The following XIRP2 variants were observed in gnomAD, a reference collection of about 807,000 sequenced individuals.
XIRP2 encodes xin actin binding repeat containing 2, also known as xin actin-binding repeat-containing protein 2.
In XIRP2, 236 loss-of-function variants were observed where a neutral mutation model predicts 277.0. That is an observed-to-expected ratio of 0.85 (90% confidence interval 0.77 to 0.95). The LOEUF (loss-of-function observed/expected upper bound fraction) is 0.95. Ranked by LOEUF, XIRP2 falls within the 40% of genes least tolerant of loss-of-function variation. The probability of loss-of-function intolerance (pLI) is 0.00; values close to 1 mark genes in which losing one functional copy is unlikely to be tolerated. For synonymous variants in XIRP2, 1,490 were observed against 1,416.5 expected, an observed-to-expected ratio of 1.05 and a Z score of -1.17; for missense variants, 4,640 against 4,157.5, an observed-to-expected ratio of 1.12 and a Z score of -3.19.
At chr2:167,169,469 A>G (rs73021988) in intron 3 of XIRP2, among the ~76,000 whole-genome samples, 15,032 of 152,210 alleles carry the variant, frequency 0.099, 799 homozygotes, top group South Asian at 0.15. Flanking sequence ...GAGTTTCTGC[A>G]CTGGTAAGTT....
At chr2:167,104,134 A>G (rs1316890989) in intron 2 of XIRP2, among the ~76,000 whole-genome samples, 1 of 152,144 alleles carries the variant, frequency 6.6e-6, no homozygotes, top group Non-Finnish European at 1.5e-5. Context: ...CTCCTTAAGA[A>G]GAAATTATTG....
intron 1 of XIRP2, among the ~76,000 whole-genome samples, chr2:166,902,895 A>C (rs1684417984): frequency 6.6e-6 from 1 of 152,120 alleles, no homozygotes; most frequent in Non-Finnish European, 1.5e-5. Context: ...CTTTGTGATA[A>C]TGTTAAGATT....
intron 2 of XIRP2, among the ~76,000 whole-genome samples, chr2:167,029,535 C>A (rs1178916848): frequency 6.6e-6 from 1 of 152,078 alleles, no homozygotes; most frequent in Admixed American, 6.6e-5. Flanking sequence ...TTGAACCAGC[C>A]TTGCATCCCA....
At chr2:167,006,546 C>T (rs1687508967) in intron 2 of XIRP2, among the ~76,000 whole-genome samples, 1 of 151,780 alleles carries the variant, frequency 6.6e-6, no homozygotes, top group Non-Finnish European at 1.5e-5. Flanking sequence ...AGCTGCACTG[C>T]ATGATATTAC....
chr2:166,976,547 A>C (rs999315022), intron 2 of XIRP2, among the ~76,000 whole-genome samples: 1 of 152,174 alleles, frequency 6.6e-6, no homozygotes, highest in African/African-American at 2.4e-5. Flanking sequence ...ACTTGGAATT[A>C]ATATTATATC....
chr2:167,169,492 A>G (rs1692622786), intron 3 of XIRP2, among the ~76,000 whole-genome samples: 1 of 152,146 alleles, frequency 6.6e-6, no homozygotes, highest in South Asian at 2.1e-4. Context: ...GGTTCTGTGT[A>G]TTTATCTATT....
chr2:167,249,991 C>T lies in XIRP2; in HGVS notation c.8599C>T (p.Gln2867Ter). 1 of 1,613,564 alleles carries T rather than the reference C, an allele frequency of 6.2e-7. No individual in the cohort carries two copies. The highest frequency in any genetic ancestry group is 8.5e-7 in the Non-Finnish European group (1 of 1,179,672). Reference protein sequence around the residue: ...VIDAHLDSQTQNFQQTQIQTA... With the variant: ...VIDAHLDSQT ...CGATGCACATCTTGATTCACAGACT[C>T]AGAATTTTCAGCAAACACAAATACA... is the stretch of plus-strand genomic sequence containing the variant. Residue 2867 changes from glutamine to a stop codon, truncating the protein, a stop_gained, in exon 9 of 11, where the codon CAG (glutamine) becomes TAG (stop). Transcript: ENST00000409195. LOFTEE classifies it high-confidence loss of function.
At position 167,250,055 on chromosome 2, in the gene XIRP2, A is replaced by G; in HGVS notation, c.8663A>G (p.Gln2888Arg). The G allele has an allele frequency of 6.2e-7, 1 of 1,613,658 alleles. No homozygotes were observed. Among genetic ancestry groups the G allele is most frequent in the Non-Finnish European group, 8.5e-7 (1 of 1,179,700 alleles). Residue 2888 changes from glutamine (Q) to arginine (R), a missense_variant, in exon 9 of 11, where the codon CAG becomes CGG. By Grantham distance (43) the Gln-to-Arg change is conservative (BLOSUM62 1). Coordinates refer to ENST00000409195, the MANE Select transcript of XIRP2 (RefSeq NM_152381.6). The stretch of plus-strand genomic sequence containing the variant: ...AAAGCTGAACATAAAAAATTGCCCC[A>G]GCCATATAATAGTCTGCAGGAAGAA... ...ESKAEHKKLP[Q>R]PYNSLQEEKC...
chr2:166,932,216 CT>C (rs373806059), intron 2 of XIRP2, among the ~76,000 whole-genome samples: 2,233 of 141,112 alleles, frequency 0.016, 33 homozygotes, highest in African/African-American at 0.039. Context: ...CTCTCTCTCT[CT>C]TTTTTTTTTT....
At chr2:167,016,361 G>C (rs1183065046) in intron 2 of XIRP2, among the ~76,000 whole-genome samples, 2 of 151,942 alleles carry the variant, frequency 1.3e-5, no homozygotes, top group African/African-American at 4.8e-5. Context: ...AAAGTGGAAA[G>C]AGTGGTCCTT....
At chr2:167,053,487 G>A (rs117574295) in intron 2 of XIRP2, among the ~76,000 whole-genome samples, 1 of 152,080 alleles carries the variant, frequency 6.6e-6, no homozygotes, top group East Asian at 1.9e-4. Context: ...ATTAATCTCT[G>A]TATGTCAGCA....
intron 1 of XIRP2, among the ~76,000 whole-genome samples, chr2:166,900,396 G>A (rs940787831): frequency 1.3e-5 from 2 of 151,676 alleles, no homozygotes; most frequent in African/African-American, 4.8e-5. Context: ...AAGCATGTTT[G>A]TGATTCTTCA....
Position 167,243,520 on chromosome 2 carries a change from G to A in XIRP2, c.2128G>A (p.Val710Met), listed in dbSNP as rs767301842. 1 of 1,614,032 alleles carries A rather than the reference G, an allele frequency of 6.2e-7. No homozygotes were observed. Among genetic ancestry groups the A allele is most frequent in the Non-Finnish European group, 8.5e-7 (1 of 1,179,962 alleles). ...HLDQLGQLHSVDEVHLLQLRS... is the reference protein window; with the variant it reads ...HLDQLGQLHSMDEVHLLQLRS... ...AGATCAACTTGGACAGCTTCATTCA[G>A]TGGATGAGGTTCATTTACTGCAGCT... Residue 710 changes from valine to methionine, a missense_variant, in exon 9 of 11, where the codon GTG becomes ATG. By Grantham distance (21) the Val-to-Met change is conservative (BLOSUM62 1). Transcript: ENST00000409195.
At chr2:167,145,789 A>T (rs1315152322) in intron 3 of XIRP2, among the ~76,000 whole-genome samples, 1 of 152,170 alleles carries the variant, frequency 6.6e-6, no homozygotes, top group Non-Finnish European at 1.5e-5. Context: ...TAGATTCTTT[A>T]TGTTGCAGAG....
chr2:167,184,561 A>G, intron 3 of XIRP2: 1 of 717,352 alleles, frequency 1.4e-6, no homozygotes, highest in Non-Finnish European at 2.6e-6. Flanking sequence ...CCACGGACCA[A>G]GCCCAGATTC....
rs567209151 is a variant in XIRP2, at chr2:167,257,946, G to C, written c.*129G>C. The C allele has an allele frequency of 5.0e-6, 8 of 1,612,920 alleles. No homozygotes were observed. In the African/African-American group the frequency reaches 9.3e-5, roughly 19 times the overall value. ...AAATCCAAAGGAAATTATGATGAAG[G>C]TTTTGGACATAAGCAGCATAAAGAT... On this transcript the variant is annotated 3_prime_UTR_variant, in exon 11 of 11. Transcript: ENST00000409195.
intron 3 of XIRP2, among the ~76,000 whole-genome samples, chr2:167,174,038 G>A (rs775445150): frequency 4.6e-5 from 7 of 152,074 alleles, no homozygotes; most frequent in East Asian, 3.9e-4. Context: ...GAGGATTTTC[G>A]TGTCGATGTT....
chr2:167,247,882 A>C lies in XIRP2; in HGVS notation c.6490A>C (p.Thr2164Pro), dbSNP rs762226959. 8.1e-6 allele frequency: 13 copies of C among 1,613,500 alleles called. No homozygotes were observed. Among genetic ancestry groups the C allele is most frequent in the Non-Finnish European group, 1.1e-5 (13 of 1,179,782 alleles). Residue 2164 changes from threonine (T) to proline (P), a missense_variant, in exon 9 of 11, where the codon ACC becomes CCC. Transcript: ENST00000409195. ...TDTQSSKPSP[T>P]QHPVSMPVGG... is the part of the protein sequence containing the mutation. ...TACACAAAGCTCCAAGCCCAGTCCC[A>C]CCCAGCATCCAGTCAGCATGCCAGT...
At chr2:167,151,211 T>C (rs75811078) in intron 3 of XIRP2, among the ~76,000 whole-genome samples, 15,115 of 152,158 alleles carry the variant, frequency 0.099, 808 homozygotes, top group South Asian at 0.15. Context: ...TTGCATTCCA[T>C]CAGCCTTATA....
Sources: gnomAD v4.1 joint callset for allele counts (sites outside exome capture counted in the v4.1 genomes callset) on GRCh38, gnomAD v4.1.1 for gene constraint, MANE v1.5 for transcripts, NCBI Gene and HGNC (gene_info 2026-07-23, HGNC 2026-07-21) for gene names.